ARHGAP8: variants seen among roughly 807,000 people sequenced by gnomAD.
ARHGAP8 encodes the protein rho GTPase-activating protein 8.
In ARHGAP8, 62 loss-of-function variants were observed where a neutral mutation model predicts 46.1. That is an observed-to-expected ratio of 1.34 (90% confidence interval 1.10 to 1.66). ARHGAP8 has a LOEUF of 1.66. ARHGAP8 is among the 40% of genes most tolerant of loss of function. The pLI is 0.00. For missense variants in ARHGAP8, 923 were observed against 568.4 expected (o/e 1.62, Z -6.34); for synonymous variants, 375 against 243.1 (o/e 1.54, Z -5.05).
At chr22:44,859,370 G>C (rs1195907701) in intron 10 of ARHGAP8, among the ~76,000 whole-genome samples, 1 of 152,182 alleles carries the variant, frequency 6.6e-6, no homozygotes, top group Non-Finnish European at 1.5e-5. Context: ...ACTCTCTCTT[G>C]CTCCTGTTTT....
Position 44,822,474 on chromosome 22 carries a change from G to C in ARHGAP8, c.485+5G>C. 1 of 1,541,754 alleles carries C rather than the reference G, an allele frequency of 6.5e-7. No individual in the cohort carries two copies. The highest frequency in any genetic ancestry group is 1.3e-5 in the South Asian group (1 of 78,006). Reference sequence around the variant, plus strand: ...CATCCCTCCCGAAGTTTTGCGGTAAGTGCCTGTTAGACCCCAGAAGCCGCA... The same window carrying C: ...CATCCCTCCCGAAGTTTTGCGGTAACTGCCTGTTAGACCCCAGAAGCCGCA... On this transcript the variant is annotated splice_donor_5th_base_variant and intron_variant, in intron 6 of 11. Coordinates refer to ENST00000356099, the MANE Select transcript of ARHGAP8 (RefSeq NM_181335.3).
intron 7 of ARHGAP8, among the ~76,000 whole-genome samples, chr22:44,828,278 C>T (rs765052018): frequency 2.0e-5 from 3 of 152,146 alleles, no homozygotes; most frequent in Non-Finnish European, 4.4e-5. Flanking sequence ...TGAGAATTTG[C>T]GGGTGCGAAC....
rs1402609778 is a variant in ARHGAP8, at chr22:44,845,354, C to T, written c.670+12C>T. Reference sequence around the variant, plus strand: ...CCTGAGAGAGAAAGGTGAGACGGGGCCGGCTCCAGCTGGATGACGTGAGGG... The same window carrying T: ...CCTGAGAGAGAAAGGTGAGACGGGGTCGGCTCCAGCTGGATGACGTGAGGG... On this transcript the variant is annotated intron_variant, in intron 8 of 11. Transcript: ENST00000356099. The T allele has an allele frequency of 1.2e-6, 2 of 1,613,924 alleles. No individual in the cohort carries two copies. Among genetic ancestry groups the T allele is most frequent in the Non-Finnish European group, 1.7e-6 (2 of 1,179,968 alleles).
At chr22:44,861,945 T>C (rs1468721551) in intron 11 of ARHGAP8, among the ~76,000 whole-genome samples, 1 of 152,112 alleles carries the variant, frequency 6.6e-6, no homozygotes, top group Non-Finnish European at 1.5e-5. Context: ...GGTCACCAAG[T>C]TCGTACCGTC....
intron 7 of ARHGAP8, among the ~76,000 whole-genome samples, chr22:44,840,241 CAT>C (rs1413889140): frequency 2.0e-5 from 3 of 152,206 alleles, no homozygotes; most frequent in African/African-American, 7.2e-5. Flanking sequence ...TAAAGTAACA[CAT>C]ATTTATTTTC....
At chr22:44,765,186 GAGGAAGAGACCC>G (rs1358962462) in intron 1 of ARHGAP8, 1 of 152,358 alleles carries the variant, frequency 6.6e-6, no homozygotes, top group Non-Finnish European at 1.5e-5. Context: ...TGACAGGGAA[GAGGAAGAGACCC>G]AGGGCCGTTT....
intron 5 of ARHGAP8, 32 bp from the exon 6 acceptor site, chr22:44,822,339 C>A (rs761457730): frequency 1.9e-6 from 3 of 1,569,206 alleles, no homozygotes; most frequent in South Asian, 1.2e-5. Context: ...GGCGCCTAAT[C>A]GTTCTTTATT....
At chr22:44,816,280 G>A (rs1463419553) in intron 5 of ARHGAP8, among the ~76,000 whole-genome samples, 2 of 152,096 alleles carry the variant, frequency 1.3e-5, no homozygotes, top group African/African-American at 2.4e-5. Flanking sequence ...AATGCCAGCT[G>A]GGACCTCGGA....
At chr22:44,828,121 CGAG>C (rs1267116263) in intron 7 of ARHGAP8, among the ~76,000 whole-genome samples, 1 of 152,198 alleles carries the variant, frequency 6.6e-6, no homozygotes, top group African/African-American at 2.4e-5. Context: ...GGCGCACACA[CGAG>C]GAGTTGTACT....
At chr22:44,799,072 T>TG (rs1356251941) in intron 2 of ARHGAP8, among the ~76,000 whole-genome samples, 5 of 152,158 alleles carry the variant, frequency 3.3e-5, no homozygotes, top group African/African-American at 9.6e-5. Flanking sequence ...AGCCCCCACC[T>TG]GGGGGGCCCC....
At chr22:44,810,188 C>T (rs1216584539) in intron 4 of ARHGAP8, among the ~76,000 whole-genome samples, 2 of 151,818 alleles carry the variant, frequency 1.3e-5, no homozygotes, top group African/African-American at 4.8e-5. Context: ...TGATCCCGGA[C>T]CTGTCTCTGC....
At chr22:44,816,347 C>G (rs1010287271) in intron 5 of ARHGAP8, among the ~76,000 whole-genome samples, 4 of 152,272 alleles carry the variant, frequency 2.6e-5, no homozygotes, top group Non-Finnish European at 5.9e-5. Flanking sequence ...TCTCGGCCCC[C>G]CAGGAGCATG....
At chr22:44,804,873 CGGGGAGCA>C (rs933569166) in intron 3 of ARHGAP8, among the ~76,000 whole-genome samples, 13 of 152,198 alleles carry the variant, frequency 8.5e-5, no homozygotes, top group Non-Finnish European at 1.6e-4. Context: ...AGAGACCTGG[CGGGGAGCA>C]GGTGCCGGGA....
chr22:44,844,058 G>A (rs1362426999), intron 7 of ARHGAP8, among the ~76,000 whole-genome samples: 3 of 151,996 alleles, frequency 2.0e-5, no homozygotes, highest in Non-Finnish European at 4.4e-5. Flanking sequence ...TGCAACTTCC[G>A]CCTCCTGGGT....
chr22:44,840,487 G>A lies in ARHGAP8; in HGVS notation c.597-4782G>A, dbSNP rs1408332321. Reference sequence around the variant, plus strand: ...CCTCTGCAAGGGTCTTTGTGATCCTGTCCGGTATCTTAGTCTATTCCGGTT... The same window carrying A: ...CCTCTGCAAGGGTCTTTGTGATCCTATCCGGTATCTTAGTCTATTCCGGTT... On this transcript the variant is annotated intron_variant, in intron 7 of 11. Transcript: ENST00000356099. 5.9e-5 allele frequency among the ~76,000 whole-genome samples: 9 copies of A among 152,022 alleles called. No homozygotes were observed. The East Asian group carries it at 1.7e-3, about 29-fold the overall frequency.
intron 7 of ARHGAP8, among the ~76,000 whole-genome samples, chr22:44,837,655 CTG>C (rs918753708): frequency 2.8e-4 from 43 of 152,296 alleles, no homozygotes; most frequent in Middle Eastern, 3.4e-3. Flanking sequence ...AGCACTGACT[CTG>C]TCAGTCCATT....
chr22:44,840,592 C>CT (rs1418257395), intron 7 of ARHGAP8, among the ~76,000 whole-genome samples: 2 of 152,174 alleles, frequency 1.3e-5, no homozygotes, highest in Non-Finnish European at 2.9e-5. Flanking sequence ...CTCTATGAGT[C>CT]TAAGATCAAG....
chr22:44,772,856 G>A (rs921410399), intron 1 of ARHGAP8, among the ~76,000 whole-genome samples: 2 of 133,860 alleles, frequency 1.5e-5, no homozygotes, highest in African/African-American at 5.6e-5. Flanking sequence ...CCATCTCCCA[G>A]GTCTCCCGTG....
At chr22:44,778,383 T>G (rs967954761) in intron 1 of ARHGAP8, among the ~76,000 whole-genome samples, 2 of 152,186 alleles carry the variant, frequency 1.3e-5, no homozygotes, top group African/African-American at 4.8e-5. Context: ...CTGAGTAGTA[T>G]TCCATCGTAT....
Sources: allele counts gnomAD v4.1 joint callset (sites outside exome capture counted in the v4.1 genomes callset), GRCh38; gene constraint gnomAD v4.1.1; transcripts MANE v1.5; gene names NCBI Gene and HGNC (gene_info 2026-07-23, HGNC 2026-07-21).